NAALADL2: variants seen among roughly 807,000 people sequenced by gnomAD.
NAALADL2 encodes the protein N-acetylated alpha-linked acidic dipeptidase like 2, also known as inactive N-acetylated-alpha-linked acidic dipeptidase-like protein 2.
In NAALADL2, 76 loss-of-function variants were observed where a neutral mutation model predicts 87.2. That is an observed-to-expected ratio of 0.87 (90% CI 0.72 to 1.05). The LOEUF (loss-of-function observed/expected upper bound fraction) is 1.05. NAALADL2 is among the 50% of genes least tolerant of loss of function. The probability of loss-of-function intolerance (pLI) is 0.00; values close to 1 mark genes in which losing one functional copy is unlikely to be tolerated. For missense variants in NAALADL2, 1,089 were observed against 945.8 expected, an observed-to-expected ratio of 1.15 and a Z score of -1.99; for synonymous variants, 354 against 331.0, an observed-to-expected ratio of 1.07 and a Z score of -0.75.
chr3:175,173,292 AAAATAAAT>A (rs200798533), intron 2 of NAALADL2, among the ~76,000 whole-genome samples: 1 of 138,580 alleles, frequency 7.2e-6, no homozygotes, highest in African/African-American at 2.7e-5. Context: ...ACTCCGTTTC[AAAATAAAT>A]AAATAAATAA....
At chr3:175,069,614 G>A (rs1715213955) in intron 1 of NAALADL2, among the ~76,000 whole-genome samples, 2 of 150,894 alleles carry the variant, frequency 1.3e-5, no homozygotes, top group South Asian at 2.1e-4. Flanking sequence ...CGATTCCTCA[G>A]GGATCTAGAA....
At chr3:174,776,521 C>T (rs1468442073) in intron 3 of NAALADL2, among the ~76,000 whole-genome samples, 1 of 152,068 alleles carries the variant, frequency 6.6e-6, no homozygotes, top group African/African-American at 2.4e-5. Flanking sequence ...TGAAACCTTC[C>T]CAAATTCTGC....
chr3:174,670,629 A>ATT lies in NAALADL2; in HGVS notation c.-114-67012_-114-67011insTT, dbSNP rs201633049. On this transcript the variant is annotated intron_variant, in intron 2 of 3. Coordinates refer to the NAALADL2 transcript ENST00000434257. ...TAAGAAGAGATAATGAGTTATCATC[A>ATT]AGTCTTTTCAATCTTGATTTTTCTA... Among the ~76,000 whole-genome samples the ATT allele has an allele frequency of 8.5e-3, 1,299 of 152,230 alleles. 12 individuals carry two copies. Among genetic ancestry groups the ATT allele is most frequent in the African/African-American group, 0.03 (1,228 of 41,564 alleles).
chr3:175,065,018 T>A (rs1559979734), intron 1 of NAALADL2, among the ~76,000 whole-genome samples: 1 of 152,082 alleles, frequency 6.6e-6, no homozygotes, highest in African/African-American at 2.4e-5. Context: ...ATATTAATAA[T>A]ATATCAGAGT....
At chr3:175,080,029 G>T (rs1168883615) in intron 1 of NAALADL2, among the ~76,000 whole-genome samples, 1 of 151,412 alleles carries the variant, frequency 6.6e-6, no homozygotes, top group Non-Finnish European at 1.5e-5. Context: ...GCAGTGGAGC[G>T]ATCTCGGCTC....
chr3:175,003,454 G>C (rs1259082852), intron 1 of NAALADL2, among the ~76,000 whole-genome samples: 1 of 152,148 alleles, frequency 6.6e-6, no homozygotes, highest in South Asian at 2.1e-4. Flanking sequence ...GTTTTCAAAA[G>C]GCATTTAGCA....
intron 1 of NAALADL2, among the ~76,000 whole-genome samples, chr3:174,882,340 T>C (rs1729295212): frequency 6.6e-6 from 1 of 151,766 alleles, no homozygotes; most frequent in Non-Finnish European, 1.5e-5. Flanking sequence ...ATGAAACAAT[T>C]AGAAAAGGAC....
intron 5 of NAALADL2, among the ~76,000 whole-genome samples, chr3:175,334,810 A>G (rs1025504656): frequency 6.6e-6 from 1 of 152,134 alleles, no homozygotes; most frequent in African/African-American, 2.4e-5. Context: ...ATAAAGGGAG[A>G]AATGGAACTC....
chr3:174,792,617 T>G (rs1717604116), intron 3 of NAALADL2, among the ~76,000 whole-genome samples: 1 of 152,188 alleles, frequency 6.6e-6, no homozygotes, highest in South Asian at 2.1e-4. Context: ...TCTTGCCATG[T>G]TTAAAACTCT....
At chr3:175,495,898 T>C in intron 9 of NAALADL2, among the ~76,000 whole-genome samples, 1 of 152,174 alleles carries the variant, frequency 6.6e-6, no homozygotes, top group East Asian at 1.9e-4. Context: ...TTTCATCCAG[T>C]GTGCTAGTTA....
intron 2 of NAALADL2, among the ~76,000 whole-genome samples, chr3:175,128,158 C>A (rs956199653): frequency 1.3e-5 from 2 of 152,014 alleles, no homozygotes; most frequent in Non-Finnish European, 2.9e-5. Flanking sequence ...TATTGGAAGG[C>A]AAAATATAAA....
chr3:174,590,554 A>C (rs1265961934), intron 2 of NAALADL2, among the ~76,000 whole-genome samples: 1 of 152,158 alleles, frequency 6.6e-6, no homozygotes, highest in African/African-American at 2.4e-5. Flanking sequence ...AAAGTATAAG[A>C]GTGGCCTTAT....
In NAALADL2 at chr3:175,340,192, T is replaced by G. The variant is rs561749819; in HGVS notation, c.1090+15867T>G. On this transcript the variant is annotated intron_variant, in intron 5 of 13. Transcript: ENST00000454872. ...AAGTCATAGAAGAAATGTTACAAAT[T>G]TTCTCTTGTTAAGTATAAGGAATGC... Among the ~76,000 whole-genome samples, 4 of 152,308 alleles carry G rather than the reference T, an allele frequency of 2.6e-5. No individual in the cohort carries two copies. The East Asian group carries it at 7.7e-4, about 29-fold the overall frequency.
intron 9 of NAALADL2, among the ~76,000 whole-genome samples, chr3:175,548,356 C>T (rs890848275): frequency 1.2e-4 from 18 of 151,980 alleles, no homozygotes; most frequent in Non-Finnish European, 2.5e-4. Flanking sequence ...ATTATGAGAA[C>T]ACATGGACAC....
intron 13 of NAALADL2, among the ~76,000 whole-genome samples, chr3:175,764,579 T>C (rs1748440420): frequency 6.6e-6 from 1 of 150,644 alleles, no homozygotes; most frequent in African/African-American, 2.4e-5. Context: ...AGCAGAAAAA[T>C]AGCAATGTAA....
Position 175,324,037 on chromosome 3 carries a change from A to AAC in NAALADL2, c.940-137_940-136insCA, listed in dbSNP as rs1560360788. ...CATCTCAAAAAACAAACAAAAAAAA[A>AAC]AAAAAAGAAAAAGAAAAAGAAAAAG... On this transcript the variant is annotated intron_variant, in intron 4 of 13. Transcript: ENST00000454872. 1.5e-4 allele frequency: 96 copies of AAC among 645,546 alleles called. No individual in the cohort carries two copies. The African/African-American group carries it at 1.6e-3, about 11-fold the overall frequency. 40.0% of individuals were successfully genotyped at this position (645,546 alleles called of 1,614,324 possible).
intron 2 of NAALADL2, among the ~76,000 whole-genome samples, chr3:175,206,293 TG>T (rs1740873052): frequency 8.9e-6 from 1 of 112,934 alleles, no homozygotes; most frequent in African/African-American, 5.0e-5. Context: ...TGTGTATGTA[TG>T]TGTATATATA....
At chr3:174,987,005 TG>T (rs1349398733) in intron 1 of NAALADL2, among the ~76,000 whole-genome samples, 1 of 152,182 alleles carries the variant, frequency 6.6e-6, no homozygotes, top group Non-Finnish European at 1.5e-5. Context: ...CTTGATAATC[TG>T]GTTAAAAATT....
intron 3 of NAALADL2, among the ~76,000 whole-genome samples, chr3:174,749,218 A>C (rs2109032069): frequency 6.6e-6 from 1 of 152,294 alleles, no homozygotes; most frequent in Non-Finnish European, 1.5e-5. Context: ...ATATGTCATT[A>C]AAATAATACG....
Sources: allele counts gnomAD v4.1 joint callset (sites outside exome capture counted in the v4.1 genomes callset), GRCh38; gene constraint gnomAD v4.1.1; transcripts MANE v1.5; gene names NCBI Gene and HGNC (gene_info 2026-07-23, HGNC 2026-07-21).